ZNF805: variants seen among roughly 807,000 people sequenced by gnomAD.
ZNF805 encodes zinc finger protein 805.
Under a neutral mutation model 13.6 loss-of-function variants are expected in ZNF805, and 7 were observed. That is an observed-to-expected ratio of 0.51 (90% CI 0.29 to 0.97). The LOEUF (loss-of-function observed/expected upper bound fraction) is 0.97, where lower values mean the gene tolerates loss of function less well. Ranked by LOEUF, ZNF805 falls within the 50% of genes least tolerant of loss-of-function variation. The pLI, the probability that ZNF805 is intolerant of heterozygous loss-of-function variation, is 0.08. For missense variants in ZNF805, 604 were observed against 771.0 expected (o/e 0.78, Z 2.57); for synonymous variants, 293 against 279.8 (o/e 1.05, Z -0.47).
At chr19:57,245,135 G>A (rs1196659432) in intron 2 of ZNF805, among the ~76,000 whole-genome samples, 1 of 152,140 alleles carries the variant, frequency 6.6e-6, no homozygotes, top group Non-Finnish European at 1.5e-5. Context: ...CAACCTTCAC[G>A]TCCTTCAATC....
In ZNF805 at chr19:57,248,611, C is replaced by T; in HGVS notation, c.164C>T (p.Pro55Leu). 1 of 1,589,114 alleles carries T rather than the reference C, an allele frequency of 6.3e-7. No homozygotes were observed. Among genetic ancestry groups the T allele is most frequent in the Non-Finnish European group, 8.6e-7 (1 of 1,166,598 alleles). The change falls in exon 3 of 4, where the codon CCT (proline) becomes CTT (leucine). Residue 55 changes from proline to leucine, a missense_variant. This residue lies in a region of ZNF805 where 327 missense variants were observed against 378.2 expected (regional missense o/e 0.86). Transcript: ENST00000414468. ...TTGCTTTCTCCATAAACAGGGTGTC[C>T]TGTTCCCAGACCTGAGCTGATCTAC... The part of the protein sequence containing the change: ...NCGLLVSLGC[P>L]VPRPELIYHL...
chr19:57,253,458 C>T lies in ZNF805; in HGVS notation c.639C>T (p.Asn213=), dbSNP rs2122842186. 1 of 1,583,986 alleles carries T rather than the reference C, an allele frequency of 6.3e-7. No homozygotes were observed. The highest frequency in any genetic ancestry group is 8.6e-7 in the Non-Finnish European group (1 of 1,164,354). The change falls in exon 4 of 4, where the codon AAC becomes AAT. Residue 213 remains asparagine, a synonymous_variant. Transcript: ENST00000414468. The surrounding 1 kb of genome is among the most constrained non-coding windows in gnomAD (Gnocchi z 4.4). ...FKCNECEKVF[N]KKRLLARHER... is the part of the protein sequence containing the mutation. ...GCAATGAATGTGAAAAAGTGTTTAA[C>T]AAGAAACGCCTGCTTGCTCGGCATG...
In ZNF805 at chr19:57,240,932, A is replaced by G; in HGVS notation, c.30+11A>G. The G allele has an allele frequency of 6.4e-7, 1 of 1,559,492 alleles. No homozygotes were observed. Among genetic ancestry groups the G allele is most frequent in the East Asian group, 2.4e-5 (1 of 41,206 alleles). Reference sequence around the variant, plus strand: ...ACGGACCCGGCGCAGGTGAGTGGACAAGGTTTCGGCCTTGCTGCTTTTCTG... The same window carrying G: ...ACGGACCCGGCGCAGGTGAGTGGACGAGGTTTCGGCCTTGCTGCTTTTCTG... On this transcript the variant is annotated intron_variant, in intron 1 of 3. Transcript: ENST00000414468.
chr19:57,254,813 T>C lies in ZNF805; in HGVS notation c.*110T>C. ...GAATTCATCCTGGAAAAACACCCAG[T>C]GGTTATTACGCACTTGGGAAAACCT... On this transcript the variant is annotated 3_prime_UTR_variant, in exon 4 of 4. Transcript: ENST00000414468. 8.6e-7 allele frequency: 1 copy of C among 1,160,384 alleles called. No individual in the cohort carries two copies. The highest frequency in any genetic ancestry group is 1.2e-6 in the Non-Finnish European group (1 of 830,486). The allele number at this position is 1,160,384 out of a possible 1,614,324, so 71.9% of individuals were successfully genotyped here.
Position 57,258,283 on chromosome 19 carries a change from A to T in ZNF805, c.*3580A>T, listed in dbSNP as rs1184225103. Among the ~76,000 whole-genome samples, 2 of 152,058 alleles carry T rather than the reference A, an allele frequency of 1.3e-5. No homozygotes were observed. Among genetic ancestry groups the T allele is most frequent in the Admixed American group, 1.3e-4 (2 of 15,264 alleles). ...CTCCCAAAGTGCTGGGATTACAGGT[A>T]TGTGTCACTGTGTCTGGCCCCAGTT... On this transcript the variant is annotated 3_prime_UTR_variant, in exon 4 of 4. Transcript: ENST00000414468.
At chr19:57,247,975 G>A (rs555074487) in intron 2 of ZNF805, among the ~76,000 whole-genome samples, 1 of 152,354 alleles carries the variant, frequency 6.6e-6, no homozygotes, top group African/African-American at 2.4e-5. Context: ...GGGAGGCCTA[G>A]GCGGGTGGAT....
rs769593143 is a variant in ZNF805, at chr19:57,253,595, A to G, written c.776A>G (p.Tyr259Cys). Residue 259 changes from tyrosine (Y) to cysteine (C), a missense_variant, in exon 4 of 4, where the codon TAT becomes TGT. Physicochemically the swap from Tyr to Cys is radical, Grantham distance 194 (BLOSUM62 -2). Around this residue, in one of 3 missense-constraint regions of ZNF805, gnomAD observed 327 missense variants for 378.2 expected, o/e 0.86. Transcript: ENST00000414468. This position sits in a 1 kb window ranked among gnomAD's most constrained non-coding sequence, Gnocchi z 4.4. ...ATGGTCCACACTGGGGAGAAGCCCTATAAGTGCATGGAGTGTGGGAAGGCT... is the reference window on the plus strand; with the variant it reads ...ATGGTCCACACTGGGGAGAAGCCCTGTAAGTGCATGGAGTGTGGGAAGGCT... ...HHMVHTGEKP[Y>C]KCMECGKAFN... The G allele has an allele frequency of 4.3e-6, 7 of 1,614,066 alleles. No homozygotes were observed. Among genetic ancestry groups the G allele is most frequent in the South Asian group, 2.2e-5 (2 of 91,074 alleles).
chr19:57,251,236 CCTCTCAGGAA>C lies in ZNF805; in HGVS notation c.254-1836_254-1827del, dbSNP rs2087650103. 1.4e-4 allele frequency among the ~76,000 whole-genome samples: 22 copies of C among 152,194 alleles called. No homozygotes were observed. In the South Asian group the frequency reaches 4.6e-3, roughly 32 times the overall value. ...TCTAAAGGGCCTATATCAAAAAATTCCTCTCAGGAATTTTTGGAAGGTTCCATTGATCCAT... is the reference window on the plus strand; with the variant it reads ...TCTAAAGGGCCTATATCAAAAAATTCTTTTTGGAAGGTTCCATTGATCCAT... On this transcript the variant is annotated intron_variant, in intron 3 of 3. Coordinates refer to ENST00000414468, the MANE Select transcript of ZNF805 (RefSeq NM_001023563.4).
In ZNF805 at chr19:57,259,915, G is replaced by A. The variant is rs2087713725; in HGVS notation, c.*5212G>A. Among the ~76,000 whole-genome samples, 1 of 152,204 alleles carries A rather than the reference G, an allele frequency of 6.6e-6. No homozygotes were observed. Among genetic ancestry groups the A allele is most frequent in the Admixed American group, 6.5e-5 (1 of 15,276 alleles). Reference sequence around the variant, plus strand: ...CAGAGTCATGGTTTTCTGGTGGTTTGTCTCAATATTTGAATAGAAATCCTA... The same window carrying A: ...CAGAGTCATGGTTTTCTGGTGGTTTATCTCAATATTTGAATAGAAATCCTA... On this transcript the variant is annotated 3_prime_UTR_variant, in exon 4 of 4. Coordinates refer to ENST00000414468, the MANE Select transcript of ZNF805 (RefSeq NM_001023563.4).
chr19:57,242,140 A>G (rs183262711), intron 1 of ZNF805, among the ~76,000 whole-genome samples: 68 of 152,372 alleles, frequency 4.5e-4, no homozygotes, highest in African/African-American at 1.6e-3. Flanking sequence ...GAGGAGGTCA[A>G]GACTCCGACC....
chr19:57,242,972 G>T (rs920174583), intron 1 of ZNF805, among the ~76,000 whole-genome samples: 2 of 152,192 alleles, frequency 1.3e-5, no homozygotes, highest in South Asian at 4.1e-4. Flanking sequence ...TGTAGCCCCA[G>T]TGCTGTGGGA....
In ZNF805 at chr19:57,256,959, G is replaced by C. The variant is rs564221386; in HGVS notation, c.*2256G>C. The stretch of plus-strand genomic sequence containing the variant: ...ATACATTTTTCTTACACTGCTGTTA[G>C]TTTCATCCCACAAGTCTTAATATGC... On this transcript the variant is annotated 3_prime_UTR_variant, in exon 4 of 4. Transcript: ENST00000414468. 6.6e-6 allele frequency among the ~76,000 whole-genome samples: 1 copy of C among 152,036 alleles called. No individual in the cohort carries two copies. The highest frequency in any genetic ancestry group is 2.1e-4 in the South Asian group (1 of 4,824).
intron 1 of ZNF805, among the ~76,000 whole-genome samples, chr19:57,242,714 G>A (rs182955505): frequency 6.6e-6 from 1 of 152,316 alleles, no homozygotes; most frequent in East Asian, 1.9e-4. Context: ...TGGTACTTGT[G>A]AATTTGGTGA....
At chr19:57,249,653 G>A (rs547360815) in intron 3 of ZNF805, among the ~76,000 whole-genome samples, 8 of 151,798 alleles carry the variant, frequency 5.3e-5, no homozygotes, top group Non-Finnish European at 1.0e-4. Flanking sequence ...CTTATATTCT[G>A]CCTATCAGCC....
rs1388087780 is a variant in ZNF805, at chr19:57,261,601, C to T, written c.*6898C>T. 6.0e-6 allele frequency: 1 copy of T among 167,012 alleles called. No individual in the cohort carries two copies. Among genetic ancestry groups the T allele is most frequent in the Admixed American group, 6.5e-5 (1 of 15,272 alleles). The allele number at this position is 167,012 out of a possible 1,614,324, so 10.3% of individuals were successfully genotyped here. A position where few individuals can be genotyped will look rare whatever the true frequency, so the allele number is the denominator to read the frequency against. On this transcript the variant is annotated 3_prime_UTR_variant, in exon 4 of 4. Coordinates refer to ENST00000414468, the MANE Select transcript of ZNF805 (RefSeq NM_001023563.4). ...ATTATTATTTTCAGTTCCCTCAGCG[C>T]GTTTACCACAAAGCTGTGCATATAG...
chr19:57,249,957 C>G (rs1374510616), intron 3 of ZNF805, among the ~76,000 whole-genome samples: 2 of 151,782 alleles, frequency 1.3e-5, no homozygotes, highest in African/African-American at 4.8e-5. Context: ...AGATTGTCCC[C>G]TCCTCAGTGC....
Position 57,244,000 on chromosome 19 carries a change from C to T in ZNF805, c.108C>T (p.Thr36=). ...EWGQLDLAQR[T]LYQEVMLENC... is the part of the protein sequence containing the mutation. ...GCCAGCTGGACCTAGCTCAGCGGAC[C>T]CTGTACCAGGAGGTGATGCTGGAAA... is the stretch of plus-strand genomic sequence containing the variant. Residue 36 remains threonine (T), a synonymous_variant, in exon 2 of 4, where the codon ACC becomes ACT. Transcript: ENST00000414468. The T allele has an allele frequency of 6.2e-7, 1 of 1,614,082 alleles. No individual in the cohort carries two copies. Among genetic ancestry groups the T allele is most frequent in the South Asian group, 1.1e-5 (1 of 91,076 alleles).
chr19:57,240,958 C>G (rs8111661), intron 1 of ZNF805, 37 bp downstream of exon 1: 774,205 of 1,551,650 alleles, frequency 0.5, 197,460 homozygotes, highest in Non-Finnish European at 0.52. Context: ...TGCTTTTCTG[C>G]TAGTTCGGGG....
In ZNF805 at chr19:57,253,460, A is replaced by G; in HGVS notation, c.641A>G (p.Lys214Arg). The change falls in exon 4 of 4, where the codon AAG becomes AGG. Residue 214 changes from lysine (K) to arginine (R), a missense_variant. Lys to Arg is a conservative substitution (Grantham distance 26). Transcript: ENST00000414468. The surrounding 1 kb of genome is among the most constrained non-coding windows in gnomAD (Gnocchi z 4.4). ...AATGAATGTGAAAAAGTGTTTAACA[A>G]GAAACGCCTGCTTGCTCGGCATGAG... The part of the protein sequence containing the change: ...KCNECEKVFN[K>R]KRLLARHERI... The G allele has an allele frequency of 6.3e-7, 1 of 1,586,456 alleles. No homozygotes were observed. Among genetic ancestry groups the G allele is most frequent in the South Asian group, 1.1e-5 (1 of 87,950 alleles).
Sources: gnomAD v4.1 joint callset for allele counts (sites outside exome capture counted in the v4.1 genomes callset) on GRCh38, gnomAD v4.1.1 for gene constraint, gnomAD v4.1.1 regional missense constraint, Gnocchi (gnomAD v3.1) non-coding constraint, MANE v1.5 for transcripts, NCBI Gene and HGNC (gene_info 2026-07-23, HGNC 2026-07-21) for gene names.